The following GRIPAP1 variants were observed in gnomAD, a reference collection of about 807,000 sequenced individuals.
The protein encoded by GRIPAP1 is GRIP1 associated protein 1.
Under a neutral mutation model 84.1 loss-of-function variants are expected in GRIPAP1, and 14 were observed. The observed-to-expected ratio is 0.17, with a 90% CI of 0.11 to 0.26. The LOEUF is 0.26. Ranked by LOEUF, GRIPAP1 falls within the 10% of genes least tolerant of loss-of-function variation. The pLI, the probability that GRIPAP1 is intolerant of heterozygous loss-of-function variation, is 1.00. For missense variants in GRIPAP1, 518 were observed against 674.2 expected, an observed-to-expected ratio of 0.77 and a Z score of 2.57; for synonymous variants, 261 against 256.8, an observed-to-expected ratio of 1.02 and a Z score of -0.15.
At chrX:48,988,051 CTA>C (rs1328417517) in intron 12 of GRIPAP1, 68 bp downstream of exon 12, 33 of 866,926 alleles carry the variant, frequency 3.8e-5, no homozygotes, top group Non-Finnish European at 4.6e-5. Context: ...CCTTGCCTGA[CTA>C]TGTAGTACCC....
At chrX:48,984,745 G>T (rs1288988027) in intron 14 of GRIPAP1, among the ~76,000 whole-genome samples, 1 of 80,442 alleles carries the variant, frequency 1.2e-5, no homozygotes. Context: ...AAAAGGAGCC[G>T]GGCGTGGTGG....
Position 48,983,317 on chromosome X carries a change from G to A in GRIPAP1, c.1396C>T (p.Arg466Cys), listed in dbSNP as rs2064468071. ...CGGAGCTCACGCTCATAGCGGGCACGCACCCCCAGCACCTCCTTCTCATGC... is the reference window on the plus strand; with the variant it reads ...CGGAGCTCACGCTCATAGCGGGCACACACCCCCAGCACCTCCTTCTCATGC... ...LRHEKEVLGV[R>C]ARYERELREL... Residue 466 changes from arginine to cysteine, a missense_variant, in exon 16 of 26, where the codon CGT (arginine) becomes TGT (cysteine). Physicochemically the swap from Arg to Cys is radical, Grantham distance 180. Transcript: ENST00000376423. The A allele has an allele frequency of 7.4e-6, 9 of 1,209,956 alleles. No individual in the cohort carries two copies. The highest frequency in any genetic ancestry group is 1.7e-5 in the African/African-American group (1 of 57,486).
chrX:48,997,345 A>G lies in GRIPAP1; in HGVS notation c.211T>C (p.Leu71=). ...TGCAGCATCTCATTTTCACTCAGCA[A>G]TACCTCGACTTCCTGCAGTGGCAGA... ...KSKKAQEVEV[L]LSENEMLQAK... The change falls in exon 5 of 26, where the codon TTG becomes CTG. Residue 71 remains leucine (L), a synonymous_variant. Coordinates refer to ENST00000376423, the MANE Select transcript of GRIPAP1 (RefSeq NM_020137.5). The G allele has an allele frequency of 8.7e-7, 1 of 1,145,711 alleles. No individual in the cohort carries two copies. The highest frequency in any genetic ancestry group is 1.2e-6 in the Non-Finnish European group (1 of 845,306). The allele number at this position is 1,145,711 out of a possible 1,213,427, so 94.4% of individuals were successfully genotyped here. A position where few individuals can be genotyped will look rare whatever the true frequency, so the allele number is the denominator to read the frequency against.
In GRIPAP1 at chrX:48,981,293, G is replaced by A; in HGVS notation, c.1852C>T (p.Leu618=). 2 of 1,210,374 alleles carry A rather than the reference G, an allele frequency of 1.7e-6. No homozygotes were observed. Among genetic ancestry groups the A allele is most frequent in the South Asian group, 1.8e-5 (1 of 56,575 alleles). The part of the protein sequence containing the change: ...SAALKDLKRQ[L]HLERKRADKL... ...TCTGCCCGTTTCCGCTCCAAATGCA[G>A]CTGCCGCTTGAGGTCCTTGAGCTGT... is the stretch of plus-strand genomic sequence containing the variant. The change falls in exon 21 of 26, where the codon CTG becomes TTG. Residue 618 remains leucine, a synonymous_variant. Coordinates refer to ENST00000376423, the MANE Select transcript of GRIPAP1 (RefSeq NM_020137.5).
chrX:48,984,487 C>T (rs1435346908), intron 14 of GRIPAP1, among the ~76,000 whole-genome samples: 2 of 109,652 alleles, frequency 1.8e-5, no homozygotes, highest in Admixed American at 9.8e-5. Flanking sequence ...GGAGGCTGAG[C>T]CGGGTAGATC....
At position 48,993,508 on chromosome X, in the gene GRIPAP1, A is replaced by G; in HGVS notation, c.377T>C (p.Val126Ala). ...QLKEGAAGAG[V>A]AQAGPLVDGE... The stretch of plus-strand genomic sequence containing the variant: ...ATCCACGAGGGGCCCAGCTTGGGCA[A>G]CCCCTGCTCCTGCAGCCCCCTCCTT... The change falls in exon 6 of 26, where the codon GTT (valine) becomes GCT (alanine). Residue 126 changes from valine to alanine, a missense_variant. Val to Ala is a moderately conservative substitution (Grantham distance 64). Transcript: ENST00000376423. 2.5e-6 allele frequency: 3 copies of G among 1,189,170 alleles called. No individual in the cohort carries two copies. Among genetic ancestry groups the G allele is most frequent in the Non-Finnish European group, 3.4e-6 (3 of 883,479 alleles).
At chrX:48,988,076 C>T in intron 12 of GRIPAP1, 45 bp downstream of exon 12, 1 of 1,032,383 alleles carries the variant, frequency 9.7e-7, no homozygotes, top group Non-Finnish European at 1.3e-6. Context: ...TCAGGCTGCC[C>T]CCATCCTGAA....
intron 13 of GRIPAP1, among the ~76,000 whole-genome samples, chrX:48,987,017 T>C (rs782170144): frequency 9.5e-6 from 1 of 104,912 alleles, no homozygotes; most frequent in South Asian, 4.1e-4. Context: ...CCCAGCTAAT[T>C]TTGTATTTTT....
intron 25 of GRIPAP1, among the ~76,000 whole-genome samples, chrX:48,974,757 A>G (rs2064413279): frequency 8.9e-6 from 1 of 111,911 alleles, no homozygotes; most frequent in Non-Finnish European, 1.9e-5. Flanking sequence ...ATGGAGATCA[A>G]CAGGTGGGCA....
intron 21 of GRIPAP1, among the ~76,000 whole-genome samples, chrX:48,980,225 TTGTGTGTGTGTGTG>T (rs781796368): frequency 4.4e-5 from 4 of 90,554 alleles, no homozygotes; most frequent in Non-Finnish European, 6.5e-5. Context: ...GCAACTAAAG[TTGTGTGTGTGTGTG>T]TGTGTGTGTG....
At chrX:48,984,946 C>T (rs781908740) in intron 14 of GRIPAP1, among the ~76,000 whole-genome samples, 3 of 109,843 alleles carry the variant, frequency 2.7e-5, no homozygotes, top group Non-Finnish European at 3.8e-5. Context: ...GGCGAGAACA[C>T]GGGAGGCGGA....
At chrX:48,979,478 CAAAAAAAAA>C (rs2064442674) in intron 21 of GRIPAP1, among the ~76,000 whole-genome samples, 1 of 3,677 alleles carries the variant, frequency 2.7e-4, no homozygotes, top group Non-Finnish European at 4.7e-4. Context: ...CTCCGTCTAA[CAAAAAAAAA>C]AAAAAAAAAA....
chrX:48,997,206 C>A, intron 5 of GRIPAP1, 44 bp downstream of exon 5: 1 of 720,351 alleles, frequency 1.4e-6, no homozygotes, highest in South Asian at 2.3e-5. Flanking sequence ...GCCCAGATGA[C>A]CCCTACCCCT....
chrX:48,995,069 T>C (rs193136164), intron 5 of GRIPAP1, among the ~76,000 whole-genome samples: 129 of 112,127 alleles, frequency 1.2e-3, no homozygotes, highest in Non-Finnish European at 1.5e-3. Flanking sequence ...ACATAGAGCA[T>C]GTGGTGGGTA....
chrX:48,975,756 T>A (rs782201820), intron 24 of GRIPAP1: 1 of 365,479 alleles, frequency 2.7e-6, no homozygotes. Context: ...GAGAGGAAGA[T>A]GAGGCACAGG....
At chrX:48,985,231 G>T (rs782210552) in intron 14 of GRIPAP1, 37 bp downstream of exon 14, 1 of 1,175,530 alleles carries the variant, frequency 8.5e-7, no homozygotes, top group African/African-American at 1.8e-5. Flanking sequence ...CATTACTAGG[G>T]AACTAGGAAG....
chrX:48,984,671 C>T (rs1440029720), intron 14 of GRIPAP1, among the ~76,000 whole-genome samples: 6 of 93,732 alleles, frequency 6.4e-5, no homozygotes, highest in Non-Finnish European at 1.2e-4. Flanking sequence ...GCTGAGATCG[C>T]GCTACTGCAC....
At chrX:48,995,597 CT>C (rs1275003209) in intron 5 of GRIPAP1, among the ~76,000 whole-genome samples, 212 of 105,900 alleles carry the variant, frequency 2.0e-3, no homozygotes, top group African/African-American at 6.3e-3. Context: ...GGATATAAAA[CT>C]TTTTTTTTTT....
At chrX:48,983,925 G>T in intron 14 of GRIPAP1, 55 bp from the exon 15 acceptor site, 3 of 721,057 alleles carry the variant, frequency 4.2e-6, no homozygotes, top group Non-Finnish European at 6.7e-6. Flanking sequence ...GTAGGTGCTA[G>T]TCACCCAGGA....
Sources: allele counts gnomAD v4.1 joint callset (sites outside exome capture counted in the v4.1 genomes callset), GRCh38; gene constraint gnomAD v4.1.1; transcripts MANE v1.5; gene names NCBI Gene and HGNC (gene_info 2026-07-23, HGNC 2026-07-21).